KCNIP1: variants seen among roughly 807,000 people sequenced by gnomAD.
KCNIP1 encodes A-type potassium channel modulatory protein KCNIP1.
In KCNIP1, 18 loss-of-function variants were observed where a neutral mutation model predicts 33.0. The ratio of observed to expected loss-of-function variants is 0.55; its 90% confidence interval spans 0.38 to 0.81. The LOEUF is 0.81. KCNIP1 is among the 30% of genes least tolerant of loss of function. The pLI, the probability that KCNIP1 is intolerant of heterozygous loss-of-function variation, is 0.00. For missense variants in KCNIP1, 238 were observed against 271.6 expected (o/e 0.88, Z 0.87); for synonymous variants, 93 against 98.3 (o/e 0.95, Z 0.32).
chr5:170,618,426 G>A (rs1220566556), intron 1 of KCNIP1, among the ~76,000 whole-genome samples: 12 of 149,522 alleles, frequency 8.0e-5, no homozygotes, highest in Non-Finnish European at 1.6e-4. Context: ...AGGGAGGGAA[G>A]GAGGGAGGGG....
intron 1 of KCNIP1, among the ~76,000 whole-genome samples, chr5:170,587,067 C>A (rs1581363290): frequency 6.6e-6 from 1 of 152,158 alleles, no homozygotes; most frequent in Admixed American, 6.5e-5. Context: ...ATGGACCGGG[C>A]AGGGTGTATG....
At chr5:170,692,159 G>A (rs547205911) in intron 1 of KCNIP1, among the ~76,000 whole-genome samples, 8 of 152,090 alleles carry the variant, frequency 5.3e-5, no homozygotes, top group African/African-American at 1.2e-4. Context: ...TTTAACATGC[G>A]TGGGATTAAA....
At chr5:170,718,673 A>T (rs1181472907) in intron 1 of KCNIP1, 85 bp from the exon 2 acceptor site, 7 of 1,542,100 alleles carry the variant, frequency 4.5e-6, no homozygotes, top group Admixed American at 1.8e-5. Context: ...AGGTCGTGAC[A>T]CCACTCTTTT....
At chr5:170,385,819 T>A (rs963031404) in intron 1 of KCNIP1, among the ~76,000 whole-genome samples, 4 of 152,028 alleles carry the variant, frequency 2.6e-5, no homozygotes, top group Non-Finnish European at 5.9e-5. Context: ...CAGAAATGAT[T>A]AAGATAAAGG....
intron 1 of KCNIP1, among the ~76,000 whole-genome samples, chr5:170,635,824 C>CTGA (rs1760257982): frequency 1.3e-5 from 2 of 152,228 alleles, no homozygotes; most frequent in African/African-American, 4.8e-5. Context: ...CTGGGCCACG[C>CTGA]TGATGGGCTA....
At chr5:170,718,998 G>T (rs1581540922) in intron 2 of KCNIP1, 116 bp downstream of exon 2, 1 of 1,359,354 alleles carries the variant, frequency 7.4e-7, no homozygotes, top group Admixed American at 2.5e-5. Flanking sequence ...TACAAGGAAG[G>T]CCAGCTCTAT....
chr5:170,537,523 G>A (rs779437164), intron 1 of KCNIP1, among the ~76,000 whole-genome samples: 97 of 152,194 alleles, frequency 6.4e-4, no homozygotes, highest in Non-Finnish European at 3.7e-4. Flanking sequence ...TGCCCTGGAT[G>A]TTCTGTTTGT....
At chr5:170,704,632 T>C (rs1763197151) in intron 1 of KCNIP1, among the ~76,000 whole-genome samples, 1 of 152,138 alleles carries the variant, frequency 6.6e-6, no homozygotes, top group African/African-American at 2.4e-5. Context: ...GGGGTTGTTG[T>C]GGGGTGAATC....
At chr5:170,706,806 T>G (rs1561775708) in intron 1 of KCNIP1, among the ~76,000 whole-genome samples, 1 of 152,222 alleles carries the variant, frequency 6.6e-6, no homozygotes, top group Admixed American at 6.5e-5. Flanking sequence ...TCATTTGCAA[T>G]GAATTGTCAT....
chr5:170,417,624 C>A (rs1755364611), intron 1 of KCNIP1, among the ~76,000 whole-genome samples: 1 of 152,176 alleles, frequency 6.6e-6, no homozygotes, highest in Admixed American at 6.5e-5. Flanking sequence ...CTGGTAAACT[C>A]CCCATTCCCT....
intron 5 of KCNIP1, among the ~76,000 whole-genome samples, chr5:170,725,528 G>T (rs1170007128): frequency 6.6e-6 from 1 of 152,144 alleles, no homozygotes; most frequent in Admixed American, 6.5e-5. Flanking sequence ...AAGGATAGTA[G>T]GGGGGCTGTG....
intron 1 of KCNIP1, among the ~76,000 whole-genome samples, chr5:170,553,771 C>G (rs1021036834): frequency 9.2e-5 from 14 of 152,262 alleles, no homozygotes; most frequent in African/African-American, 3.4e-4. Context: ...AGATGCCTAT[C>G]TTGTTTAACC....
chr5:170,462,054 G>T (rs1202436559), intron 1 of KCNIP1, among the ~76,000 whole-genome samples: 1 of 151,950 alleles, frequency 6.6e-6, no homozygotes, highest in Non-Finnish European at 1.5e-5. Flanking sequence ...ATTCGCTTAG[G>T]CAAGGATTTC....
At chr5:170,399,259 AT>A (rs1377441136) in intron 1 of KCNIP1, among the ~76,000 whole-genome samples, 9 of 152,184 alleles carry the variant, frequency 5.9e-5, no homozygotes, top group African/African-American at 1.9e-4. Flanking sequence ...GATGCTCTGT[AT>A]GGCCATAAAT....
At chr5:170,626,157 GAAC>G (rs1759812601) in intron 1 of KCNIP1, among the ~76,000 whole-genome samples, 1 of 152,222 alleles carries the variant, frequency 6.6e-6, no homozygotes, top group Non-Finnish European at 1.5e-5. Flanking sequence ...CTGCTATGTA[GAAC>G]AACTGTATGC....
At chr5:170,398,193 A>T (rs1754808392) in intron 1 of KCNIP1, among the ~76,000 whole-genome samples, 1 of 152,066 alleles carries the variant, frequency 6.6e-6, no homozygotes, top group African/African-American at 2.4e-5. Context: ...CCAGTTTTTC[A>T]GGTTACTTTT....
chr5:170,643,755 A>G (rs1760673145), intron 1 of KCNIP1, among the ~76,000 whole-genome samples: 1 of 152,192 alleles, frequency 6.6e-6, no homozygotes, highest in Non-Finnish European at 1.5e-5. Context: ...AGTCATCAGG[A>G]AGGCAGGGGA....
At chr5:170,643,439 C>G (rs983780417) in intron 1 of KCNIP1, among the ~76,000 whole-genome samples, 3 of 152,238 alleles carry the variant, frequency 2.0e-5, no homozygotes, top group Non-Finnish European at 2.9e-5. Context: ...TCCTGATGCC[C>G]TCCCTCCTCT....
chr5:170,517,725 G>T (rs905972391), intron 1 of KCNIP1, among the ~76,000 whole-genome samples: 1 of 149,778 alleles, frequency 6.7e-6, no homozygotes, highest in African/African-American at 2.5e-5. Context: ...AGTGATGGTG[G>T]TGATTATGGA....
Sources: gnomAD v4.1 joint callset for allele counts (sites outside exome capture counted in the v4.1 genomes callset) on GRCh38, gnomAD v4.1.1 for gene constraint, MANE v1.5 for transcripts, NCBI Gene and HGNC (gene_info 2026-07-23, HGNC 2026-07-21) for gene names.